The following GAB2 variants were observed in gnomAD, a reference collection of about 807,000 sequenced individuals.
GAB2 encodes the protein GRB2 associated binding protein 2.
Under a neutral mutation model 65.5 loss-of-function variants are expected in GAB2, and 26 were observed. That is an observed-to-expected ratio of 0.40 (90% confidence interval 0.29 to 0.55). The LOEUF is 0.55. Among genes scored for constraint, GAB2 ranks in the 20% least tolerant of loss-of-function variants. GAB2 has a pLI of 0.53. For missense variants in GAB2, 884 were observed against 875.8 expected, an observed-to-expected ratio of 1.01 and a Z score of -0.12; for synonymous variants, 321 against 329.6, an observed-to-expected ratio of 0.97 and a Z score of 0.28.
chr11:78,223,320 C>T (rs1182385603), intron 6 of GAB2, 92 bp downstream of exon 6: 1 of 1,084,238 alleles, frequency 9.2e-7, no homozygotes, highest in Non-Finnish European at 1.3e-6. Context: ...CAAGTCACAC[C>T]TCTCAAGTCC....
At chr11:78,327,817 C>A (rs1013776188) in intron 1 of GAB2, among the ~76,000 whole-genome samples, 1 of 152,140 alleles carries the variant, frequency 6.6e-6, no homozygotes, top group Non-Finnish European at 1.5e-5. Flanking sequence ...TTGGATAAAT[C>A]ATTAAATTTC....
chr11:78,298,253 CCTTGA>C (rs1219560600), intron 1 of GAB2, among the ~76,000 whole-genome samples: 5 of 152,166 alleles, frequency 3.3e-5, no homozygotes, highest in Admixed American at 2.6e-4. Flanking sequence ...AAATGACTAA[CCTTGA>C]TAATGGACAG....
At chr11:78,346,852 C>G (rs1395726771) in intron 1 of GAB2, among the ~76,000 whole-genome samples, 2 of 150,676 alleles carry the variant, frequency 1.3e-5, no homozygotes, top group African/African-American at 4.9e-5. Context: ...AGTATCAGAG[C>G]CAGGGGAGCT....
intron 1 of GAB2, among the ~76,000 whole-genome samples, chr11:78,338,671 A>G (rs1856042448): frequency 6.6e-6 from 1 of 152,198 alleles, no homozygotes; most frequent in Non-Finnish European, 1.5e-5. Flanking sequence ...CAATACACTA[A>G]CAAGGATACA....
At chr11:78,407,050 A>T (rs1857054469) in intron 1 of GAB2, among the ~76,000 whole-genome samples, 3 of 152,226 alleles carry the variant, frequency 2.0e-5, no homozygotes, top group African/African-American at 7.2e-5. Flanking sequence ...CCTAATATGA[A>T]CAACACAGAG....
chr11:78,285,322 C>A (rs1866449836), intron 1 of GAB2, among the ~76,000 whole-genome samples: 1 of 152,176 alleles, frequency 6.6e-6, no homozygotes, highest in African/African-American at 2.4e-5. Flanking sequence ...AATATCAGAG[C>A]CTGTCAGGTT....
intron 1 of GAB2, among the ~76,000 whole-genome samples, chr11:78,340,323 GTCTT>G (rs1456175158): frequency 2.0e-5 from 3 of 152,162 alleles, no homozygotes; most frequent in Non-Finnish European, 4.4e-5. Flanking sequence ...TGGCAAGACA[GTCTT>G]TCTCTTTGGC....
intron 2 of GAB2, among the ~76,000 whole-genome samples, chr11:78,263,247 A>G (rs1030513263): frequency 2.0e-5 from 3 of 152,360 alleles, no homozygotes; most frequent in Admixed American, 1.3e-4. Context: ...AGAGCCCATT[A>G]GTATTATTAT....
At chr11:78,301,733 C>T (rs1867025029) in intron 1 of GAB2, among the ~76,000 whole-genome samples, 1 of 152,046 alleles carries the variant, frequency 6.6e-6, no homozygotes, top group South Asian at 2.1e-4. Context: ...AGCCACATAA[C>T]CAAAGCAAGG....
chr11:78,338,620 T>G (rs2134687999), intron 1 of GAB2, among the ~76,000 whole-genome samples: 1 of 152,284 alleles, frequency 6.6e-6, no homozygotes, highest in Middle Eastern at 3.4e-3. Context: ...AAAAACAGAA[T>G]TCAATCCCAT....
chr11:78,326,686 C>T (rs925340104), intron 1 of GAB2, among the ~76,000 whole-genome samples: 4 of 152,176 alleles, frequency 2.6e-5, no homozygotes, highest in Non-Finnish European at 4.4e-5. Context: ...ACAGTTTGTT[C>T]ATCTTTGTGT....
At chr11:78,408,086 C>T (rs1000625387) in intron 1 of GAB2, among the ~76,000 whole-genome samples, 3 of 152,026 alleles carry the variant, frequency 2.0e-5, no homozygotes, top group Non-Finnish European at 4.4e-5. Context: ...AAAGAGGAAC[C>T]TGAAAACATC....
chr11:78,224,661 G>A (rs757841030), intron 5 of GAB2, among the ~76,000 whole-genome samples: 14 of 152,144 alleles, frequency 9.2e-5, no homozygotes, highest in East Asian at 5.8e-4. Flanking sequence ...GGAGAACTGC[G>A]GTTAGCATCT....
At chr11:78,352,569 T>C (rs1041198899) in intron 1 of GAB2, among the ~76,000 whole-genome samples, 1 of 152,206 alleles carries the variant, frequency 6.6e-6, no homozygotes, top group African/African-American at 2.4e-5. Context: ...ACAGAATTCA[T>C]ATTTTGTTCA....
intron 1 of GAB2, among the ~76,000 whole-genome samples, chr11:78,375,151 C>G (rs1856617368): frequency 6.6e-6 from 1 of 152,118 alleles, no homozygotes; most frequent in Admixed American, 6.5e-5. Context: ...CTCAAGCAAT[C>G]CTCCCGCCTC....
At chr11:78,226,396 C>G in intron 4 of GAB2, 69 bp downstream of exon 4, 2 of 1,244,432 alleles carry the variant, frequency 1.6e-6, no homozygotes, top group Admixed American at 3.4e-5. Flanking sequence ...GACCAAGGAC[C>G]ATCAAACTAT....
intron 1 of GAB2, among the ~76,000 whole-genome samples, chr11:78,385,484 T>C (rs1337422231): frequency 1.3e-5 from 2 of 152,190 alleles, no homozygotes; most frequent in Non-Finnish European, 2.9e-5. Context: ...GCTCATGGTA[T>C]GGGAAAAGCA....
chr11:78,317,220 C>T (rs1855625966), intron 1 of GAB2, among the ~76,000 whole-genome samples: 1 of 152,168 alleles, frequency 6.6e-6, no homozygotes, highest in Non-Finnish European at 1.5e-5. Flanking sequence ...GTGGTAATGG[C>T]TGCACAGCAA....
intron 1 of GAB2, among the ~76,000 whole-genome samples, chr11:78,311,072 G>A (rs1310320366): frequency 6.6e-6 from 1 of 152,080 alleles, no homozygotes; most frequent in Non-Finnish European, 1.5e-5. Flanking sequence ...CAACAAGATG[G>A]GACAGTTCTC....
Sources: allele counts gnomAD v4.1 joint callset (sites outside exome capture counted in the v4.1 genomes callset), GRCh38; gene constraint gnomAD v4.1.1; transcripts MANE v1.5; gene names NCBI Gene and HGNC (gene_info 2026-07-23, HGNC 2026-07-21).